CYP26C1: variants seen among roughly 807,000 people sequenced by gnomAD.
The protein encoded by CYP26C1 is cytochrome P450 26C1.
In CYP26C1, 41 loss-of-function variants were observed where a neutral mutation model predicts 39.1. The observed-to-expected ratio is 1.05, with a 90% CI of 0.82 to 1.36. The LOEUF (loss-of-function observed/expected upper bound fraction) is 1.36, where lower values mean the gene tolerates loss of function less well. Ranked by LOEUF, CYP26C1 falls within the 40% of genes most tolerant of loss-of-function variation. The probability of loss-of-function intolerance (pLI) is 0.00; values close to 1 mark genes in which losing one functional copy is unlikely to be tolerated. For missense variants in CYP26C1, 833 were observed against 752.0 expected (o/e 1.11, Z -1.26); for synonymous variants, 362 against 350.8 (o/e 1.03, Z -0.36).
Position 93,062,808 on chromosome 10 carries a change from G to T in CYP26C1, c.518G>T (p.Cys173Phe), listed in dbSNP as rs1399436350. Residue 173 changes from cysteine (C) to phenylalanine (F), a missense_variant, in exon 3 of 6, where the codon TGC becomes TTC. Coordinates refer to ENST00000651965, the MANE Select transcript of CYP26C1 (RefSeq NM_183374.3). Reference protein sequence around the residue: ...GALRHEVRSWCAAGGPVSVYD... With the variant: ...GALRHEVRSWFAAGGPVSVYD... ...CTGCGGCATGAGGTGCGCTCCTGGTGCGCGGCGGGCGGGCCGGTCTCAGTC... is the reference window on the plus strand; with the variant it reads ...CTGCGGCATGAGGTGCGCTCCTGGTTCGCGGCGGGCGGGCCGGTCTCAGTC... 14 of 1,553,622 alleles carry T rather than the reference G, an allele frequency of 9.0e-6. No homozygotes were observed. The highest frequency in any genetic ancestry group is 7.0e-5 in the South Asian group (6 of 86,000).
At chr10:93,065,899 A>G in intron 4 of CYP26C1, 57 bp from the exon 5 acceptor site, 1 of 1,450,918 alleles carries the variant, frequency 6.9e-7, no homozygotes, top group Non-Finnish European at 9.1e-7. Context: ...CCGTCGGGTC[A>G]GCGCCCCGGG....
intron 2 of CYP26C1, 58 bp downstream of exon 2, chr10:93,062,292 C>T: frequency 1.4e-6 from 2 of 1,466,740 alleles, no homozygotes; most frequent in Admixed American, 4.4e-5. Flanking sequence ...CCGGCATCTG[C>T]CATGGGCCAG....
rs55843714 is a variant in CYP26C1 at position 93,062,929 on chromosome 10, C to T, written c.639C>T (p.Thr213=). The T allele has an allele frequency of 0.53, 855,690 of 1,605,326 alleles. 242,086 individuals are homozygous for T. The highest frequency in any genetic ancestry group is 0.59 in the Non-Finnish European group (696,519 of 1,178,856). Residue 213 remains threonine, a synonymous_variant, in exon 3 of 6, where the codon ACC becomes ACT. Transcript: ENST00000651965. ...DEAQCATLAR[T]FEQLVENLFS... is the part of the protein sequence containing the mutation. Reference sequence around the variant, plus strand: ...CGCAGTGCGCCACGCTGGCCCGGACCTTCGAGCAGCTCGTGGAGAACCTCT... The same window carrying T: ...CGCAGTGCGCCACGCTGGCCCGGACTTTCGAGCAGCTCGTGGAGAACCTCT...
rs996238048 is a variant in CYP26C1 at position 93,068,889 on chromosome 10, C to T, written c.*192C>T. ...GGAGGGCGAGCCACCGCTGCCGCGCCAGAGAAGCATCTAAGCCCATGGGAA... is the reference window on the plus strand; with the variant it reads ...GGAGGGCGAGCCACCGCTGCCGCGCTAGAGAAGCATCTAAGCCCATGGGAA... On this transcript the variant is annotated 3_prime_UTR_variant, in exon 6 of 6. Coordinates refer to ENST00000651965, the MANE Select transcript of CYP26C1 (RefSeq NM_183374.3). 2.7e-5 allele frequency: 27 copies of T among 1,008,140 alleles called. No individual in the cohort carries two copies. Among genetic ancestry groups the T allele is most frequent in the Non-Finnish European group, 3.4e-5 (25 of 736,022 alleles). 62.4% of individuals were successfully genotyped at this position (1,008,140 alleles called of 1,614,324 possible).
chr10:93,060,918 C>T lies in CYP26C1; in HGVS notation c.-346C>T, dbSNP rs746659216. The T allele has an allele frequency of 3.1e-5, 11 of 350,514 alleles. No homozygotes were observed. Among genetic ancestry groups the T allele is most frequent in the Non-Finnish European group, 4.7e-5 (9 of 193,162 alleles). 21.7% of individuals were successfully genotyped at this position (350,514 alleles called of 1,614,324 possible). A position where few individuals can be genotyped will look rare whatever the true frequency, so the allele number is the denominator to read the frequency against. On this transcript the variant is annotated 5_prime_UTR_variant, in exon 1 of 6. Coordinates refer to ENST00000651965, the MANE Select transcript of CYP26C1 (RefSeq NM_183374.3). ...TCTTCTATCCAAAGGGTGCTGAGCC[C>T]GGGAGGAGGTGGGAGGTGCCCCGCG...
At chr10:93,066,507 C>T (rs909410613) in intron 5 of CYP26C1, among the ~76,000 whole-genome samples, 3 of 152,218 alleles carry the variant, frequency 2.0e-5, no homozygotes. Flanking sequence ...CAAAGCCTGG[C>T]GAGACTGCAA....
At chr10:93,063,604 CT>C (rs1488474521) in intron 3 of CYP26C1, 42 of 985,604 alleles carry the variant, frequency 4.3e-5, no homozygotes, top group Middle Eastern at 5.2e-4. Context: ...GGACTTCCCA[CT>C]GTTTGATTCC....
Position 93,062,753 on chromosome 10 carries a change from G to T in CYP26C1, c.463G>T (p.Glu155Ter), listed in dbSNP as rs1846767738. The change falls in exon 3 of 6, where the codon GAG becomes TAG. Residue 155 changes from glutamate (E) to a stop codon, truncating the protein, a stop_gained. Coordinates refer to ENST00000651965, the MANE Select transcript of CYP26C1 (RefSeq NM_183374.3). LOFTEE classifies it high-confidence loss of function. ...GCGCGTGTTCAGCCGCGCCGCGCTGGAGCGCTACGTGCCGCGCCTGCAGGG... is the reference window on the plus strand; with the variant it reads ...GCGCGTGTTCAGCCGCGCCGCGCTGTAGCGCTACGTGCCGCGCCTGCAGGG... ...LARVFSRAALERYVPRLQGAL... is the reference protein window; with the variant it reads ...LARVFSRAAL 5.4e-6 allele frequency: 8 copies of T among 1,480,162 alleles called. No homozygotes were observed. The East Asian group carries it at 2.1e-4, about 39-fold the overall frequency. The allele number at this position is 1,480,162 out of a possible 1,614,324, so 91.7% of individuals were successfully genotyped here. A position where few individuals can be genotyped will look rare whatever the true frequency, so the allele number is the denominator to read the frequency against.
chr10:93,062,463 A>G (rs1043997317), intron 2 of CYP26C1, among the ~76,000 whole-genome samples: 25 of 152,228 alleles, frequency 1.6e-4, no homozygotes, highest in Non-Finnish European at 4.4e-5. Flanking sequence ...TGATAGCAGA[A>G]GCGCTGGAGA....
chr10:93,066,102 C>A lies in CYP26C1; in HGVS notation c.1008C>A (p.Gly336=). The change falls in exon 5 of 6, where the codon GGC becomes GGA. Residue 336 remains glycine, a synonymous_variant. Coordinates refer to ENST00000651965, the MANE Select transcript of CYP26C1 (RefSeq NM_183374.3). ...LVAQGLGRAC[G]CAPGAAGGSE... is the part of the protein sequence containing the mutation. ...CGCAGGGGCTGGGGCGCGCGTGCGG[C>A]TGCGCGCCCGGGGCCGCTGGGGGCA... 2 of 1,326,908 alleles carry A rather than the reference C, an allele frequency of 1.5e-6. No homozygotes were observed. Among genetic ancestry groups the A allele is most frequent in the Middle Eastern group, 5.5e-4 (2 of 3,628 alleles). 82.2% of individuals were successfully genotyped at this position (1,326,908 alleles called of 1,614,324 possible).
In CYP26C1 at chr10:93,060,845, C is replaced by T; in HGVS notation, c.-419C>T. The T allele has an allele frequency of 9.3e-6, 2 of 215,660 alleles. No homozygotes were observed. The highest frequency in any genetic ancestry group is 1.8e-5 in the Non-Finnish European group (2 of 109,472). 13.4% of individuals were successfully genotyped at this position (215,660 alleles called of 1,614,324 possible). On this transcript the variant is annotated 5_prime_UTR_variant, in exon 1 of 6. Transcript: ENST00000651965. ...GACAGGTGGGGCGGGGGTCTGCAGA[C>T]CAGGTTGGCAACACTGGTGAGTTGC...
intron 5 of CYP26C1, 52 bp downstream of exon 5, chr10:93,066,337 C>G (rs746172781): frequency 8.2e-7 from 1 of 1,216,636 alleles, no homozygotes; most frequent in Non-Finnish European, 1.0e-6. Context: ...TGCCGCCTGC[C>G]GCCTGCCGCC....
Position 93,068,771 on chromosome 10 carries a change from C to T in CYP26C1, c.*74C>T, listed in dbSNP as rs186066241. ...GCAGCGCCACCCATCTGCCGCTCCCCATTGTAGCGTCGCGCGCCCACTCTT... is the reference window on the plus strand; with the variant it reads ...GCAGCGCCACCCATCTGCCGCTCCCTATTGTAGCGTCGCGCGCCCACTCTT... On this transcript the variant is annotated 3_prime_UTR_variant, in exon 6 of 6. Coordinates refer to ENST00000651965, the MANE Select transcript of CYP26C1 (RefSeq NM_183374.3). 7.5e-5 allele frequency: 109 copies of T among 1,451,924 alleles called. 1 individual carries two copies. The African/African-American group carries it at 1.3e-3, about 17-fold the overall frequency. 89.9% of individuals were successfully genotyped at this position (1,451,924 alleles called of 1,614,324 possible).
chr10:93,064,324 C>T (rs747225795), intron 3 of CYP26C1, 57 bp from the exon 4 acceptor site: 16 of 1,542,776 alleles, frequency 1.0e-5, no homozygotes, highest in Non-Finnish European at 1.3e-5. Flanking sequence ...GGGTAAGTGG[C>T]CGGGCTTGGC....
chr10:93,062,785 G>A lies in CYP26C1; in HGVS notation c.495G>A (p.Leu165=). 1 of 1,527,988 alleles carries A rather than the reference G, an allele frequency of 6.5e-7. No individual in the cohort carries two copies. Among genetic ancestry groups the A allele is most frequent in the Non-Finnish European group, 8.7e-7 (1 of 1,144,204 alleles). 94.7% of individuals were successfully genotyped at this position (1,527,988 alleles called of 1,614,324 possible). A position where few individuals can be genotyped will look rare whatever the true frequency, so the allele number is the denominator to read the frequency against. The change falls in exon 3 of 6, where the codon CTG becomes CTA. Residue 165 remains leucine (L), a synonymous_variant. Transcript: ENST00000651965. ...ERYVPRLQGA[L]RHEVRSWCAA... ...ACGTGCCGCGCCTGCAGGGGGCGCT[G>A]CGGCATGAGGTGCGCTCCTGGTGCG...
In CYP26C1 at chr10:93,068,749, G is replaced by A. The variant is rs1381249603; in HGVS notation, c.*52G>A. ...GGCCGGTGGCTATGGCGCGCACGCAGCGCCACCCATCTGCCGCTCCCCATT... is the reference window on the plus strand; with the variant it reads ...GGCCGGTGGCTATGGCGCGCACGCAACGCCACCCATCTGCCGCTCCCCATT... On this transcript the variant is annotated 3_prime_UTR_variant, in exon 6 of 6. Transcript: ENST00000651965. 3.4e-6 allele frequency: 5 copies of A among 1,461,668 alleles called. No individual in the cohort carries two copies. The East Asian group carries it at 1.3e-4, about 37-fold the overall frequency. The allele number at this position is 1,461,668 out of a possible 1,614,324, so 90.5% of individuals were successfully genotyped here.
chr10:93,067,203 C>T (rs931902941), intron 5 of CYP26C1, among the ~76,000 whole-genome samples: 1 of 152,220 alleles, frequency 6.6e-6, no homozygotes, highest in Non-Finnish European at 1.5e-5. Context: ...GGAAGGGGGC[C>T]GGGACTGACA....
chr10:93,064,696 C>G (rs1590136667), intron 4 of CYP26C1, 160 bp downstream of exon 4: 1 of 1,395,220 alleles, frequency 7.2e-7, no homozygotes, highest in East Asian at 2.7e-5. Context: ...CCAGTAATGA[C>G]TCAGCCACAC....
In CYP26C1 at chr10:93,065,946, T is replaced by G. The variant is rs748865836; in HGVS notation, c.862-10T>G. On this transcript the variant is annotated splice_polypyrimidine_tract_variant and intron_variant, in intron 4 of 5. Coordinates refer to ENST00000651965, the MANE Select transcript of CYP26C1 (RefSeq NM_183374.3). ...CCCGAGACTCAGTGCAGCCCGGGGC[T>G]GTCTTGCAGGAGTCGGCTGTGGAGC... The G allele has an allele frequency of 1.9e-6, 3 of 1,575,444 alleles. No homozygotes were observed. Among genetic ancestry groups the G allele is most frequent in the South Asian group, 2.3e-5 (2 of 87,828 alleles).
Sources: gnomAD v4.1 joint callset for allele counts (sites outside exome capture counted in the v4.1 genomes callset) on GRCh38, gnomAD v4.1.1 for gene constraint, MANE v1.5 for transcripts, NCBI Gene and HGNC (gene_info 2026-07-23, HGNC 2026-07-21) for gene names.